The following CLDN1 variants were observed in gnomAD, a reference collection of about 807,000 sequenced individuals.
CLDN1 encodes claudin-1.
A neutral mutation model predicts 22.6 loss-of-function variants in CLDN1; 12 were observed. The ratio of observed to expected loss-of-function variants is 0.53; its 90% CI spans 0.34 to 0.86. The LOEUF (loss-of-function observed/expected upper bound fraction) is 0.86, where lower values mean the gene tolerates loss of function less well. CLDN1 is among the 40% of genes least tolerant of loss of function. The probability of loss-of-function intolerance (pLI) is 0.02; values close to 1 mark genes in which losing one functional copy is unlikely to be tolerated. For synonymous variants in CLDN1, 99 were observed against 103.8 expected (o/e 0.95, Z 0.28); for missense variants, 250 against 269.5 (o/e 0.93, Z 0.51).
Position 190,310,192 on chromosome 3 carries a change from G to T in CLDN1, c.450C>A (p.Asp150Glu). The T allele has an allele frequency of 6.2e-7, 1 of 1,613,802 alleles. No homozygotes were observed. The highest frequency in any genetic ancestry group is 8.5e-7 in the Non-Finnish European group (1 of 1,179,766). The change falls in exon 3 of 4, where the codon GAC becomes GAA. Residue 150 changes from aspartate to glutamate, a missense_variant. Transcript: ENST00000295522. Reference protein sequence around the residue: ...YGNRIVQEFYDPMTPVNARYE... With the variant: ...YGNRIVQEFYEPMTPVNARYE... ...ACCTGGCATTGACTGGGGTCATAGG[G>T]TCATAGAATTCTTGAACGATTCTAT...
Position 190,308,107 on chromosome 3 carries a change from AT to A in CLDN1, c.*169del. The A allele has an allele frequency of 1.3e-6, 1 of 742,548 alleles. No individual in the cohort carries two copies. Among genetic ancestry groups the A allele is most frequent in the Non-Finnish European group, 2.3e-6 (1 of 443,766 alleles). The allele number at this position is 742,548 out of a possible 1,614,324, so 46.0% of individuals were successfully genotyped here. On this transcript the variant is annotated 3_prime_UTR_variant, in exon 4 of 4. Coordinates refer to ENST00000295522, the MANE Select transcript of CLDN1 (RefSeq NM_021101.5). Reference sequence around the variant, plus strand: ...AAAGAAGATAAAATAAGATTAAGCCATGTTTAGCACTGAGTATTTTAACACA... The same window carrying A: ...AAAGAAGATAAAATAAGATTAAGCCAGTTTAGCACTGAGTATTTTAACACA...
At chr3:190,316,036 C>A (rs1000250529) in intron 1 of CLDN1, among the ~76,000 whole-genome samples, 1 of 152,172 alleles carries the variant, frequency 6.6e-6, no homozygotes, top group African/African-American at 2.4e-5. Context: ...ATCTATCTTG[C>A]CACTTCATCT....
At chr3:190,309,332 G>A (rs1716548879) in intron 3 of CLDN1, among the ~76,000 whole-genome samples, 1 of 152,164 alleles carries the variant, frequency 6.6e-6, no homozygotes, top group Non-Finnish European at 1.5e-5. Flanking sequence ...TTCTTACACT[G>A]TAAATCTTAT....
At chr3:190,319,269 A>G (rs1343630210) in intron 1 of CLDN1, among the ~76,000 whole-genome samples, 1 of 152,188 alleles carries the variant, frequency 6.6e-6, no homozygotes, top group Admixed American at 6.5e-5. Context: ...TGTATCTGGC[A>G]CTTTTTGTAT....
At chr3:190,320,961 T>TA (rs1268087372) in intron 1 of CLDN1, among the ~76,000 whole-genome samples, 28 of 145,910 alleles carry the variant, frequency 1.9e-4, no homozygotes, top group East Asian at 1.0e-3. Context: ...ACCTTTAATT[T>TA]AAAAAACAAA....
intron 3 of CLDN1, among the ~76,000 whole-genome samples, chr3:190,309,155 T>A (rs9834611): frequency 0.046 from 7,014 of 152,210 alleles, 543 homozygotes; most frequent in African/African-American, 0.16. Context: ...TCTCCTACTC[T>A]CAAAGCAGGA....
At chr3:190,320,519 A>G (rs765908282) in intron 1 of CLDN1, among the ~76,000 whole-genome samples, 8 of 152,236 alleles carry the variant, frequency 5.3e-5, no homozygotes, top group Non-Finnish European at 1.0e-4. Flanking sequence ...GTTTTGGTGT[A>G]AAGAAGTCCT....
chr3:190,316,362 T>G (rs1273313511), intron 1 of CLDN1, among the ~76,000 whole-genome samples: 4 of 152,244 alleles, frequency 2.6e-5, no homozygotes, highest in African/African-American at 9.6e-5. Flanking sequence ...TCATTGGAGA[T>G]ATTTGGATAA....
Position 190,319,537 on chromosome 3 carries a change from G to T in CLDN1, c.223+2447C>A, listed in dbSNP as rs568202207. Among the ~76,000 whole-genome samples the T allele has an allele frequency of 7.9e-5, 12 of 152,224 alleles. No individual in the cohort carries two copies. The South Asian group carries it at 1.0e-3, about 13-fold the overall frequency. The stretch of plus-strand genomic sequence containing the variant: ...TTCAGATACTTTATGAAGGTCATAT[G>T]CTTTTTATGACCTACCCTACATAAA... On this transcript the variant is annotated intron_variant, in intron 1 of 3. Transcript: ENST00000295522.
chr3:190,317,482 A>C (rs1196551781), intron 1 of CLDN1, among the ~76,000 whole-genome samples: 2 of 152,226 alleles, frequency 1.3e-5, no homozygotes, highest in Non-Finnish European at 2.9e-5. Flanking sequence ...GATCTACTAC[A>C]CTTAGGTTAA....
At chr3:190,319,754 CT>C in intron 1 of CLDN1, among the ~76,000 whole-genome samples, 3 of 152,192 alleles carry the variant, frequency 2.0e-5, no homozygotes, top group Non-Finnish European at 4.4e-5. Context: ...ACACATAACC[CT>C]TTTCATCTCT....
In CLDN1 at chr3:190,306,500, G is replaced by A. The variant is rs776114979; in HGVS notation, c.*1777C>T. On this transcript the variant is annotated 3_prime_UTR_variant, in exon 4 of 4. Transcript: ENST00000295522. ...TTAAATTACAAAACCACACTTACAT[G>A]TATTCTATCTCACTGGATCCCCACA... 1 of 152,250 alleles carries A rather than the reference G, an allele frequency of 6.6e-6. No individual in the cohort carries two copies. The highest frequency in any genetic ancestry group is 1.5e-5 in the Non-Finnish European group (1 of 68,042). The allele number at this position is 152,250 out of a possible 1,614,324, so 9.4% of individuals were successfully genotyped here.
In CLDN1 at chr3:190,308,240, G is replaced by A. The variant is rs754463416; in HGVS notation, c.*37C>T. ...GATAGTATCTCAATGTCCATTTTCGGTTTGTTTCAACATGATTTTCTCCTT... is the reference window on the plus strand; with the variant it reads ...GATAGTATCTCAATGTCCATTTTCGATTTGTTTCAACATGATTTTCTCCTT... On this transcript the variant is annotated 3_prime_UTR_variant, in exon 4 of 4. Coordinates refer to ENST00000295522, the MANE Select transcript of CLDN1 (RefSeq NM_021101.5). 1.2e-6 allele frequency: 2 copies of A among 1,611,518 alleles called. No individual in the cohort carries two copies. The highest frequency in any genetic ancestry group is 2.7e-5 in the African/African-American group (2 of 74,810).
At position 190,307,888 on chromosome 3, in the gene CLDN1, C is replaced by A. The variant is rs55724972; in HGVS notation, c.*389G>T. The A allele has an allele frequency of 0.058, 9,613 of 164,672 alleles. 361 individuals carry two copies. Among genetic ancestry groups the A allele is most frequent in the Middle Eastern group, 0.088 (29 of 330 alleles). 10.2% of individuals were successfully genotyped at this position (164,672 alleles called of 1,614,324 possible). A position where few individuals can be genotyped will look rare whatever the true frequency, so the allele number is the denominator to read the frequency against. On this transcript the variant is annotated 3_prime_UTR_variant, in exon 4 of 4. Coordinates refer to ENST00000295522, the MANE Select transcript of CLDN1 (RefSeq NM_021101.5). ...ATCAATATGGAATTAAATACATTTA[C>A]CTATTTTAGAGATATTTTAAGTATG...
chr3:190,320,693 A>T (rs1716894204), intron 1 of CLDN1, among the ~76,000 whole-genome samples: 1 of 152,194 alleles, frequency 6.6e-6, no homozygotes, highest in African/African-American at 2.4e-5. Flanking sequence ...TTGTCCCTTG[A>T]TAGGAGGTAG....
At chr3:190,313,191 C>A (rs994138042) in intron 1 of CLDN1, 155 bp from the exon 2 acceptor site, 2 of 739,832 alleles carry the variant, frequency 2.7e-6, no homozygotes, top group Non-Finnish European at 2.2e-6. Context: ...GCTGGTAACC[C>A]AATATACAGT....
Position 190,306,831 on chromosome 3 carries a change from A to G in CLDN1, c.*1446T>C, listed in dbSNP as rs913504666. 3 of 152,782 alleles carry G rather than the reference A, an allele frequency of 2.0e-5. No individual in the cohort carries two copies. Among genetic ancestry groups the G allele is most frequent in the African/African-American group, 4.8e-5 (2 of 41,456 alleles). 9.5% of individuals were successfully genotyped at this position (152,782 alleles called of 1,614,324 possible). A position where few individuals can be genotyped will look rare whatever the true frequency, so the allele number is the denominator to read the frequency against. ...TAGAGAGAGGAAGGCACTGAGCCACATGAAGGTATGTGCGTAGGTTTTGTT... is the reference window on the plus strand; with the variant it reads ...TAGAGAGAGGAAGGCACTGAGCCACGTGAAGGTATGTGCGTAGGTTTTGTT... On this transcript the variant is annotated 3_prime_UTR_variant, in exon 4 of 4. Coordinates refer to ENST00000295522, the MANE Select transcript of CLDN1 (RefSeq NM_021101.5).
intron 3 of CLDN1, among the ~76,000 whole-genome samples, chr3:190,309,806 G>C (rs1272707239): frequency 6.6e-6 from 1 of 152,128 alleles, no homozygotes; most frequent in Admixed American, 6.5e-5. Context: ...CTGTGCATTA[G>C]TTACAAATAA....
At position 190,310,238 on chromosome 3, in the gene CLDN1, A is replaced by G. The variant is rs1716575613; in HGVS notation, c.404T>C (p.Val135Ala). The stretch of plus-strand genomic sequence containing the variant: ...TCTATTGCCATACCATGCTGTGGCA[A>G]CTAAAATAGCCAGACCTATAGAAAT... ...IFLLAGLAIL[V>A]ATAWYGNRIV... The change falls in exon 3 of 4, where the codon GTT (valine) becomes GCT (alanine). Residue 135 changes from valine (V) to alanine (A), a missense_variant. By Grantham distance (64) the Val-to-Ala change is moderately conservative. Coordinates refer to ENST00000295522, the MANE Select transcript of CLDN1 (RefSeq NM_021101.5). The G allele has an allele frequency of 2.5e-6, 4 of 1,613,756 alleles. No homozygotes were observed. The highest frequency in any genetic ancestry group is 2.7e-5 in the African/African-American group (2 of 75,040).
Sources: gnomAD v4.1 joint callset for allele counts (sites outside exome capture counted in the v4.1 genomes callset) on GRCh38, gnomAD v4.1.1 for gene constraint, MANE v1.5 for transcripts, NCBI Gene and HGNC (gene_info 2026-07-23, HGNC 2026-07-21) for gene names.